The following AGAP1 variants were observed in gnomAD, a reference collection of about 807,000 sequenced individuals.
AGAP1 encodes arf-GAP with GTPase, ANK repeat and PH domain-containing protein 1.
In AGAP1, 29 loss-of-function variants were observed where a neutral mutation model predicts 105.3. The observed-to-expected ratio is 0.28, with a 90% CI of 0.21 to 0.38. AGAP1 has a LOEUF of 0.38. AGAP1 is among the 10% of genes least tolerant of loss of function. The pLI is 1.00. For synonymous variants in AGAP1, 509 were observed against 485.9 expected (o/e 1.05, Z -0.63); for missense variants, 998 against 1,165.1 (o/e 0.86, Z 2.09).
intron 12 of AGAP1, among the ~76,000 whole-genome samples, chr2:235,947,302 C>T (rs754515971): frequency 6.6e-6 from 1 of 152,158 alleles, no homozygotes; most frequent in Non-Finnish European, 1.5e-5. Flanking sequence ...TTAGCTCCCA[C>T]TTATGAGTCA....
rs1257085015 is a variant in AGAP1 at position 236,121,013 on chromosome 2, A to G, written c.2370+566A>G. On this transcript the variant is annotated intron_variant, in intron 17 of 17. Coordinates refer to ENST00000304032, the MANE Select transcript of AGAP1 (RefSeq NM_001037131.3). This position sits in a 1 kb window ranked among gnomAD's most constrained non-coding sequence, Gnocchi z 4.9. The stretch of plus-strand genomic sequence containing the variant: ...GCCCTGCCTGTGCCACCCAGGAGCT[A>G]CGTCTGAGAAGCCACGCCCACTTAG... Among the ~76,000 whole-genome samples, 1 of 152,020 alleles carries G rather than the reference A, an allele frequency of 6.6e-6. No individual in the cohort carries two copies. Among genetic ancestry groups the G allele is most frequent in the Admixed American group, 6.5e-5 (1 of 15,276 alleles).
At chr2:235,607,507 T>C (rs753235838) in intron 1 of AGAP1, among the ~76,000 whole-genome samples, 2 of 152,208 alleles carry the variant, frequency 1.3e-5, no homozygotes, top group Non-Finnish European at 2.9e-5. Context: ...CAGGAGCCCG[T>C]TGGCCTGGGT....
Position 235,586,599 on chromosome 2 carries a change from T to C in AGAP1, c.163+91750T>C, listed in dbSNP as rs774109859. On this transcript the variant is annotated intron_variant, in intron 1 of 17. Transcript: ENST00000304032. This position sits in a 1 kb window ranked among gnomAD's most constrained non-coding sequence, Gnocchi z 4.2. ...ACCTGAAGGCCCTTGCAGGCTGAGG[T>C]CTCTTGGTGATAATCCACACACTGT... 2.6e-5 allele frequency among the ~76,000 whole-genome samples: 4 copies of C among 152,076 alleles called. No homozygotes were observed. The highest frequency in any genetic ancestry group is 4.8e-5 in the African/African-American group (2 of 41,408).
In AGAP1 at chr2:235,665,671, C is replaced by T. The variant is rs1022334049; in HGVS notation, c.164-43508C>T. Among the ~76,000 whole-genome samples the T allele has an allele frequency of 2.6e-5, 4 of 152,150 alleles. No individual in the cohort carries two copies. Among genetic ancestry groups the T allele is most frequent in the African/African-American group, 9.7e-5 (4 of 41,438 alleles). ...CTTCTTACATGTATCTGTCAGTCAA[C>T]TGGCTACCAGAAAATAGCCTTTGAT... On this transcript the variant is annotated intron_variant, in intron 1 of 17. Coordinates refer to ENST00000304032, the MANE Select transcript of AGAP1 (RefSeq NM_001037131.3). This position sits in a 1 kb window ranked among gnomAD's most constrained non-coding sequence, Gnocchi z 5.3.
At chr2:235,764,376 T>C (rs996125773) in intron 6 of AGAP1, among the ~76,000 whole-genome samples, 14 of 151,676 alleles carry the variant, frequency 9.2e-5, no homozygotes, top group African/African-American at 3.4e-4. Flanking sequence ...CCGTTGCCCA[T>C]GTTTATTCCT....
intron 1 of AGAP1, among the ~76,000 whole-genome samples, chr2:235,506,320 G>T (rs576337452): frequency 6.6e-6 from 1 of 152,080 alleles, no homozygotes; most frequent in East Asian, 1.9e-4. Flanking sequence ...TAATCTCAGC[G>T]CTTCGGGAGG....
chr2:235,760,868 G>A (rs1954381903), intron 6 of AGAP1, among the ~76,000 whole-genome samples: 1 of 152,172 alleles, frequency 6.6e-6, no homozygotes, highest in Non-Finnish European at 1.5e-5. Context: ...GGGATTATAG[G>A]CGTTAGCCAC....
In AGAP1 at chr2:235,893,209, T is replaced by C. The variant is rs111406928; in HGVS notation, c.1155+9760T>C. ...GCGGGTGTGGCGTGGGTGTGCCATG[T>C]CCATCATAATGAAGCACCATGTCTG... On this transcript the variant is annotated intron_variant, in intron 10 of 17. Coordinates refer to ENST00000304032, the MANE Select transcript of AGAP1 (RefSeq NM_001037131.3). The surrounding 1 kb of genome is among the most constrained non-coding windows in gnomAD (Gnocchi z 4.7). Among the ~76,000 whole-genome samples, 85 of 150,122 alleles carry C rather than the reference T, an allele frequency of 5.7e-4. No homozygotes were observed. Among genetic ancestry groups the C allele is most frequent in the African/African-American group, 2.0e-3 (81 of 40,640 alleles).
chr2:236,016,071 A>G (rs2056692163), intron 13 of AGAP1, among the ~76,000 whole-genome samples: 1 of 152,156 alleles, frequency 6.6e-6, no homozygotes, highest in Non-Finnish European at 1.5e-5. Context: ...AAACAAATCT[A>G]CATTTTCACT....
At chr2:235,818,685 C>A (rs1958602685) in intron 9 of AGAP1, among the ~76,000 whole-genome samples, 1 of 152,194 alleles carries the variant, frequency 6.6e-6, no homozygotes, top group Non-Finnish European at 1.5e-5. Flanking sequence ...TCAAGCAATT[C>A]TCCTGCCTCA....
intron 1 of AGAP1, among the ~76,000 whole-genome samples, chr2:235,613,247 C>T (rs773895015): frequency 1.3e-5 from 2 of 152,152 alleles, no homozygotes; most frequent in African/African-American, 2.4e-5. Flanking sequence ...CTGCCTGCCT[C>T]GGCTTCCAAA....
Position 236,060,355 on chromosome 2 carries a change from A to G in AGAP1, c.2114+11074A>G, listed in dbSNP as rs1332832248. 2.0e-5 allele frequency among the ~76,000 whole-genome samples: 3 copies of G among 152,198 alleles called. No homozygotes were observed. The East Asian group carries it at 5.8e-4, about 29-fold the overall frequency. On this transcript the variant is annotated intron_variant, in intron 16 of 17. Coordinates refer to ENST00000304032, the MANE Select transcript of AGAP1 (RefSeq NM_001037131.3). Reference sequence around the variant, plus strand: ...CACAGAATGGGTGAAAACATTTGAAAATTAAATATCCAGTAGGGATCTGGT... The same window carrying G: ...CACAGAATGGGTGAAAACATTTGAAGATTAAATATCCAGTAGGGATCTGGT...
In AGAP1 at chr2:235,938,562, A is replaced by C. The variant is rs1469528505; in HGVS notation, c.1483+7639A>C. 3.3e-5 allele frequency among the ~76,000 whole-genome samples: 5 copies of C among 152,224 alleles called. No individual in the cohort carries two copies. In the East Asian group the frequency reaches 7.7e-4, roughly 23 times the overall value. On this transcript the variant is annotated intron_variant, in intron 12 of 17. Coordinates refer to ENST00000304032, the MANE Select transcript of AGAP1 (RefSeq NM_001037131.3). ...GAGATAAAATCTTGAATTCAGGCTCAACAAACCAACAGTACAGATAATGGA... is the reference window on the plus strand; with the variant it reads ...GAGATAAAATCTTGAATTCAGGCTCCACAAACCAACAGTACAGATAATGGA...
intron 1 of AGAP1, among the ~76,000 whole-genome samples, chr2:235,613,227 C>G (rs1438027126): frequency 6.6e-6 from 1 of 152,072 alleles, no homozygotes; most frequent in Non-Finnish European, 1.5e-5. Flanking sequence ...AACTCCTGGC[C>G]TCAAGTCATC....
intron 1 of AGAP1, among the ~76,000 whole-genome samples, chr2:235,677,755 G>A (rs371465646): frequency 1.3e-5 from 2 of 151,720 alleles, no homozygotes; most frequent in Non-Finnish European, 2.9e-5. Flanking sequence ...AGATTGACTC[G>A]GTGAACAATG....
At chr2:235,794,853 A>G (rs1957170449) in intron 6 of AGAP1, among the ~76,000 whole-genome samples, 1 of 152,048 alleles carries the variant, frequency 6.6e-6, no homozygotes, top group African/African-American at 2.4e-5. Context: ...GAACATATTT[A>G]TGTCTATGCA....
At position 235,970,599 on chromosome 2, in the gene AGAP1, G is replaced by A. The variant is rs1387930403; in HGVS notation, c.1645+1976G>A. ...TTGCATTTGTTGTGTGTTTCCAACC[G>A]AGGTCTGTGGTTTTTTCTTATGCAC... On this transcript the variant is annotated intron_variant, in intron 13 of 17. Transcript: ENST00000304032. This position sits in a 1 kb window ranked among gnomAD's most constrained non-coding sequence, Gnocchi z 5.4. Among the ~76,000 whole-genome samples, 8 of 152,192 alleles carry A rather than the reference G, an allele frequency of 5.3e-5. No individual in the cohort carries two copies. The highest frequency in any genetic ancestry group is 1.3e-4 in the Admixed American group (2 of 15,284).
intron 9 of AGAP1, among the ~76,000 whole-genome samples, chr2:235,825,386 C>A (rs1959009004): frequency 6.6e-6 from 1 of 152,190 alleles, no homozygotes; most frequent in Non-Finnish European, 1.5e-5. Flanking sequence ...ATCTTGTTGG[C>A]CGTGCTTATG....
intron 11 of AGAP1, among the ~76,000 whole-genome samples, chr2:235,914,508 G>A (rs1045798361): frequency 3.3e-5 from 5 of 152,168 alleles, no homozygotes; most frequent in Non-Finnish European, 7.3e-5. Flanking sequence ...GGAGGGGCTC[G>A]GGGGTGGGGT....
Sources: gnomAD v4.1 joint callset for allele counts (sites outside exome capture counted in the v4.1 genomes callset) on GRCh38, gnomAD v4.1.1 for gene constraint, Gnocchi (gnomAD v3.1) non-coding constraint, MANE v1.5 for transcripts, NCBI Gene and HGNC (gene_info 2026-07-23, HGNC 2026-07-21) for gene names.